The following MAPRE2 variants were observed in gnomAD, a reference collection of about 807,000 sequenced individuals.
MAPRE2 encodes the protein microtubule-associated protein RP/EB family member 2.
In MAPRE2, 13 loss-of-function variants were observed where a neutral mutation model predicts 43.2. The ratio of observed to expected loss-of-function variants is 0.30; its 90% CI spans 0.20 to 0.48. The LOEUF is 0.48. MAPRE2 is among the 20% of genes least tolerant of loss of function. The probability of loss-of-function intolerance (pLI) is 0.99; values close to 1 mark genes in which losing one functional copy is unlikely to be tolerated. For missense variants in MAPRE2, 161 were observed against 400.2 expected, an observed-to-expected ratio of 0.40 and a Z score of 5.10; for synonymous variants, 135 against 148.8, an observed-to-expected ratio of 0.91 and a Z score of 0.68.
chr18:35,014,267 G>C (rs750003060), intron 2 of MAPRE2, among the ~76,000 whole-genome samples: 2 of 152,000 alleles, frequency 1.3e-5, no homozygotes, highest in African/African-American at 4.8e-5. Flanking sequence ...TGAAACATCT[G>C]GTTTATGAAT....
At chr18:35,004,390 G>A (rs1433551184) in intron 1 of MAPRE2, among the ~76,000 whole-genome samples, 1 of 152,144 alleles carries the variant, frequency 6.6e-6, no homozygotes, top group Non-Finnish European at 1.5e-5. Context: ...GGAAAGTGGG[G>A]AAGAGAGTTA....
chr18:35,094,918 C>G (rs1908332576), intron 2 of MAPRE2, among the ~76,000 whole-genome samples: 1 of 152,132 alleles, frequency 6.6e-6, no homozygotes, highest in Non-Finnish European at 1.5e-5. Flanking sequence ...AGGTCATGGG[C>G]CTTCATCCTT....
At chr18:35,037,512 G>A (rs1315367219), upstream of MAPRE2, among the ~76,000 whole-genome samples, 2 of 152,196 alleles carry the variant, frequency 1.3e-5, no homozygotes, top group African/African-American at 4.8e-5. Flanking sequence ...GGTGACAGGA[G>A]TTATTTTCCA....
intron 2 of MAPRE2, among the ~76,000 whole-genome samples, chr18:35,085,442 T>C (rs1907830226): frequency 6.6e-6 from 1 of 152,208 alleles, no homozygotes; most frequent in South Asian, 2.1e-4. Flanking sequence ...AACTACTGGA[T>C]AGAAAATATG....
chr18:35,053,833 G>C (rs1906078054), intron 1 of MAPRE2, among the ~76,000 whole-genome samples: 2 of 152,130 alleles, frequency 1.3e-5, no homozygotes. Context: ...ATAACTAATG[G>C]TTACTGGGCT....
chr18:34,987,639 A>G (rs909666858), intron 1 of MAPRE2, among the ~76,000 whole-genome samples: 5 of 152,070 alleles, frequency 3.3e-5, no homozygotes, highest in African/African-American at 1.2e-4. Context: ...TTATGAATCA[A>G]TGTGAAAAAA....
chr18:35,003,880 AT>A (rs1478683142), intron 1 of MAPRE2, among the ~76,000 whole-genome samples: 2 of 152,246 alleles, frequency 1.3e-5, no homozygotes, highest in African/African-American at 4.8e-5. Flanking sequence ...GATATAACGT[AT>A]TCGTAAAATT....
At chr18:34,995,722 C>A (rs2097026156) in intron 1 of MAPRE2, among the ~76,000 whole-genome samples, 1 of 152,068 alleles carries the variant, frequency 6.6e-6, no homozygotes, top group Non-Finnish European at 1.5e-5. Flanking sequence ...ATGTTTGTGT[C>A]CATTGTTTGG....
At chr18:35,057,181 A>G (rs1391623807) in intron 1 of MAPRE2, among the ~76,000 whole-genome samples, 2 of 151,876 alleles carry the variant, frequency 1.3e-5, no homozygotes, top group African/African-American at 4.8e-5. Flanking sequence ...TGTCTGGCTC[A>G]TTTTTGTATT....
chr18:35,078,116 G>A (rs1373794937), intron 2 of MAPRE2, among the ~76,000 whole-genome samples: 1 of 152,062 alleles, frequency 6.6e-6, no homozygotes, highest in East Asian at 1.9e-4. Flanking sequence ...GATTACTTAA[G>A]CACCTCATAT....
chr18:35,080,580 A>G (rs914676736), intron 2 of MAPRE2, among the ~76,000 whole-genome samples: 1 of 152,252 alleles, frequency 6.6e-6, no homozygotes, highest in African/African-American at 2.4e-5. Flanking sequence ...CAGTTAAGAT[A>G]ATCAAGCCAA....
intron 2 of MAPRE2, among the ~76,000 whole-genome samples, chr18:35,095,388 A>G (rs1026468379): frequency 1.6e-4 from 23 of 145,186 alleles, no homozygotes; most frequent in East Asian, 8.1e-4. Context: ...ACACACACAC[A>G]CACACACACA....
chr18:35,014,143 A>T lies in MAPRE2; in HGVS notation c.-8+8590A>T, dbSNP rs567976405. Among the ~76,000 whole-genome samples the T allele has an allele frequency of 5.3e-5, 8 of 152,260 alleles. No individual in the cohort carries two copies. The South Asian group carries it at 1.4e-3, about 28-fold the overall frequency. On this transcript the variant is annotated intron_variant, in intron 2 of 7. Transcript: ENST00000413393. ...TAAATATGTAGGTTTGGGGACAGAA[A>T]AGTTAAATTCTGGTCTAATGGCTTC... is the stretch of plus-strand genomic sequence containing the variant.
At chr18:35,045,900 A>T (rs1373917303) in intron 1 of MAPRE2, among the ~76,000 whole-genome samples, 1 of 152,226 alleles carries the variant, frequency 6.6e-6, no homozygotes, top group Non-Finnish European at 1.5e-5. Flanking sequence ...GTACATGCCC[A>T]ACTCTGGAAC....
chr18:35,074,945 T>C (rs1244379072), intron 2 of MAPRE2, among the ~76,000 whole-genome samples: 1 of 152,188 alleles, frequency 6.6e-6, no homozygotes. Flanking sequence ...AATTAAACCA[T>C]TTTTAGATGG....
intron 5 of MAPRE2, among the ~76,000 whole-genome samples, chr18:35,129,495 A>G (rs368414233): frequency 3.9e-5 from 6 of 152,220 alleles, no homozygotes; most frequent in Non-Finnish European, 7.3e-5. Context: ...GATGCACTAC[A>G]GAAGTACCAC....
intron 1 of MAPRE2, among the ~76,000 whole-genome samples, chr18:35,054,901 T>C (rs1254764709): frequency 2.0e-5 from 3 of 152,186 alleles, no homozygotes; most frequent in Admixed American, 2.0e-4. Flanking sequence ...GTCAGTTCTA[T>C]TGGCTTGAAA....
At chr18:35,026,606 T>G (rs745345155) in intron 2 of MAPRE2, among the ~76,000 whole-genome samples, 4 of 152,148 alleles carry the variant, frequency 2.6e-5, no homozygotes, top group African/African-American at 7.2e-5. Flanking sequence ...CACTACCACA[T>G]GGGGTCAGGT....
intron 2 of MAPRE2, among the ~76,000 whole-genome samples, chr18:35,094,131 G>A (rs187658176): frequency 1.3e-5 from 2 of 152,246 alleles, no homozygotes; most frequent in African/African-American, 4.8e-5. Context: ...ACAAAGAAAT[G>A]ATAAATGTGT....
Sources: allele counts gnomAD v4.1 joint callset (sites outside exome capture counted in the v4.1 genomes callset), GRCh38; gene constraint gnomAD v4.1.1; transcripts MANE v1.5; gene names NCBI Gene and HGNC (gene_info 2026-07-23, HGNC 2026-07-21).